Variants in HDAC9 observed in about 807,000 individuals in gnomAD.
HDAC9 encodes the protein MEF-2 interacting transcription repressor (MITR) protein.
HDAC9 carries 41 observed loss-of-function variants against 139.4 expected under a neutral mutation model. The observed-to-expected ratio is 0.29, with a 90% CI of 0.23 to 0.38. The LOEUF (loss-of-function observed/expected upper bound fraction) is 0.38, where lower values mean the gene tolerates loss of function less well. Among genes scored for constraint, HDAC9 ranks in the 10% least tolerant of loss-of-function variants. HDAC9 has a pLI of 1.00. For missense variants in HDAC9, 1,147 were observed against 1,297.0 expected (o/e 0.88, Z 1.78); for synonymous variants, 517 against 476.2 (o/e 1.09, Z -1.12).
intron 4 of HDAC9, among the ~76,000 whole-genome samples, chr7:18,591,289 G>T (rs1287417625): frequency 6.6e-6 from 1 of 152,054 alleles, no homozygotes; most frequent in Admixed American, 6.6e-5. Flanking sequence ...TTGAAAATTT[G>T]CAATTTAAGT....
chr7:18,153,232 AGACAAAGCAAG>A (rs1311285902), intron 1 of HDAC9, among the ~76,000 whole-genome samples: 6 of 152,222 alleles, frequency 3.9e-5, no homozygotes, highest in Admixed American at 2.0e-4. Context: ...CCAAACGCAC[AGACAAAGCAAG>A]GAAAGAATAA....
intron 1 of HDAC9, among the ~76,000 whole-genome samples, chr7:18,326,702 A>G (rs1054517804): frequency 1.3e-5 from 2 of 152,026 alleles, no homozygotes; most frequent in African/African-American, 2.4e-5. Flanking sequence ...TATTAGTGCT[A>G]GCTAAGACTT....
chr7:18,519,546 A>ATGAG (rs1420063735), intron 2 of HDAC9, among the ~76,000 whole-genome samples: 7 of 152,172 alleles, frequency 4.6e-5, no homozygotes, highest in Admixed American at 4.6e-4. Flanking sequence ...TAACACATCA[A>ATGAG]TGAGGTGCCA....
At chr7:18,980,467 CTGAGTT>C (rs1447451144) in intron 25 of HDAC9, among the ~76,000 whole-genome samples, 1 of 152,170 alleles carries the variant, frequency 6.6e-6, no homozygotes, top group Non-Finnish European at 1.5e-5. Flanking sequence ...CTTAATCTCT[CTGAGTT>C]TAATTTTCCT....
chr7:18,518,612 C>G (rs916469154), intron 2 of HDAC9, among the ~76,000 whole-genome samples: 1 of 152,078 alleles, frequency 6.6e-6, no homozygotes, highest in African/African-American at 2.4e-5. Context: ...AGAAAACCAA[C>G]CCATCTTCCA....
intron 2 of HDAC9, among the ~76,000 whole-genome samples, chr7:18,281,910 G>A (rs1267300978): frequency 2.0e-5 from 3 of 152,110 alleles, no homozygotes; most frequent in Non-Finnish European, 4.4e-5. Flanking sequence ...ACTTGGAAAG[G>A]GAAGAGAACA....
chr7:18,913,368 G>A (rs1802904334), intron 22 of HDAC9, among the ~76,000 whole-genome samples: 1 of 152,048 alleles, frequency 6.6e-6, no homozygotes, highest in Admixed American at 6.6e-5. Context: ...ATGGGAGGAT[G>A]TTTGGCAATC....
intron 22 of HDAC9, among the ~76,000 whole-genome samples, chr7:18,932,503 C>T (rs1330007060): frequency 6.6e-6 from 1 of 151,980 alleles, no homozygotes; most frequent in Admixed American, 6.6e-5. Flanking sequence ...GTTGACTACC[C>T]TGGGGGCATC....
At chr7:18,237,936 T>A (rs963761913) in intron 2 of HDAC9, among the ~76,000 whole-genome samples, 1 of 152,212 alleles carries the variant, frequency 6.6e-6, no homozygotes, top group African/African-American at 2.4e-5. Context: ...CTGAGTTGAG[T>A]AATGTCAATG....
intron 24 of HDAC9, among the ~76,000 whole-genome samples, chr7:18,955,927 G>C (rs924908308): frequency 6.6e-6 from 1 of 152,086 alleles, no homozygotes; most frequent in Non-Finnish European, 1.5e-5. Flanking sequence ...GGTATAAAAA[G>C]GCGTAATTTC....
chr7:18,257,382 CTCTCTCTCTCTG>C (rs2128204277), intron 2 of HDAC9, among the ~76,000 whole-genome samples: 1 of 144,812 alleles, frequency 6.9e-6, no homozygotes, highest in African/African-American at 2.6e-5. Context: ...CTCTCTCTCT[CTCTCTCTCTCTG>C]TCTCTCCCAC....
Position 18,853,394 on chromosome 7 carries a change from G to T in HDAC9, c.2684+17397G>T, listed in dbSNP as rs1166571537. 2.0e-5 allele frequency among the ~76,000 whole-genome samples: 3 copies of T among 152,066 alleles called. No individual in the cohort carries two copies. The East Asian group carries it at 5.8e-4, about 29-fold the overall frequency. On this transcript the variant is annotated intron_variant, in intron 21 of 25. Coordinates refer to ENST00000686413, the MANE Select transcript of HDAC9 (RefSeq NM_178425.4). Reference sequence around the variant, plus strand: ...GGGGGTTTCTTACCAATTCTGAAAAGAAAGTTTTTAAAGCCATTAAGTTCA... The same window carrying T: ...GGGGGTTTCTTACCAATTCTGAAAATAAAGTTTTTAAAGCCATTAAGTTCA...
chr7:18,788,830 T>C (rs1792050465), intron 16 of HDAC9, among the ~76,000 whole-genome samples: 1 of 151,850 alleles, frequency 6.6e-6, no homozygotes, highest in African/African-American at 2.4e-5. Flanking sequence ...ACCTGAAACA[T>C]TTTTCTCTCT....
intron 2 of HDAC9, among the ~76,000 whole-genome samples, chr7:18,254,427 A>T (rs17138868): frequency 0.39 from 58,727 of 152,120 alleles, 12,893 homozygotes; most frequent in Admixed American, 0.51. Context: ...AATTATATAT[A>T]TGAGGGTGTT....
intron 14 of HDAC9, among the ~76,000 whole-genome samples, chr7:18,752,304 A>G (rs1788521767): frequency 1.3e-5 from 2 of 152,084 alleles, no homozygotes; most frequent in African/African-American, 4.8e-5. Flanking sequence ...CCTACTGGTT[A>G]GTGTTTCTGA....
chr7:18,501,949 A>G (rs1223191631), intron 2 of HDAC9, among the ~76,000 whole-genome samples: 2 of 152,206 alleles, frequency 1.3e-5, no homozygotes, highest in African/African-American at 4.8e-5. Flanking sequence ...GTGATAAAGT[A>G]GTTGGGTGGT....
intron 1 of HDAC9, among the ~76,000 whole-genome samples, chr7:18,481,529 C>T (rs1795550299): frequency 6.6e-6 from 1 of 152,134 alleles, no homozygotes. Context: ...AAGGGTTATA[C>T]TTGGTTCTGT....
chr7:18,295,871 T>C (rs1798109186), intron 1 of HDAC9, among the ~76,000 whole-genome samples: 1 of 152,142 alleles, frequency 6.6e-6, no homozygotes, highest in Non-Finnish European at 1.5e-5. Flanking sequence ...GAATATCCTA[T>C]AATGCACCAG....
At chr7:18,556,946 G>A (rs1818992552) in intron 2 of HDAC9, among the ~76,000 whole-genome samples, 1 of 151,910 alleles carries the variant, frequency 6.6e-6, no homozygotes, top group Non-Finnish European at 1.5e-5. Flanking sequence ...TCTTTTATTT[G>A]CTTCCTGTAT....
Sources: gnomAD v4.1 joint callset for allele counts (sites outside exome capture counted in the v4.1 genomes callset) on GRCh38, gnomAD v4.1.1 for gene constraint, MANE v1.5 for transcripts, NCBI Gene and HGNC (gene_info 2026-07-23, HGNC 2026-07-21) for gene names.